The following IGF1R variants were observed in gnomAD, a reference collection of about 807,000 sequenced individuals.
IGF1R encodes insulin like growth factor 1 receptor.
In IGF1R, 44 loss-of-function variants were observed where a neutral mutation model predicts 144.6. The ratio of observed to expected loss-of-function variants is 0.30; its 90% CI spans 0.24 to 0.39. The LOEUF (loss-of-function observed/expected upper bound fraction) is 0.39, where lower values mean the gene tolerates loss of function less well. Among genes scored for constraint, IGF1R ranks in the 10% least tolerant of loss-of-function variants. The pLI is 1.00. For missense variants in IGF1R, 1,355 were observed against 1,833.7 expected (o/e 0.74, Z 4.77); for synonymous variants, 795 against 722.8 (o/e 1.10, Z -1.60).
intron 2 of IGF1R, among the ~76,000 whole-genome samples, chr15:98,725,563 C>T (rs1435564471): frequency 6.6e-6 from 1 of 152,136 alleles, no homozygotes; most frequent in African/African-American, 2.4e-5. Flanking sequence ...GTCTTTGGGA[C>T]TCCTAGATGT....
chr15:98,710,379 T>C (rs1271969866), intron 2 of IGF1R, among the ~76,000 whole-genome samples: 1 of 152,176 alleles, frequency 6.6e-6, no homozygotes, highest in Non-Finnish European at 1.5e-5. Flanking sequence ...GAATCAGAAC[T>C]TCCTCTTGGT....
Position 98,658,768 on chromosome 15 carries a change from C to T in IGF1R, c.94+9093C>T, listed in dbSNP as rs75220959. Among the ~76,000 whole-genome samples the T allele has an allele frequency of 6.4e-4, 97 of 152,260 alleles. No homozygotes were observed. In the East Asian group the frequency reaches 0.013, roughly 20 times the overall value. On this transcript the variant is annotated intron_variant, in intron 1 of 20. Coordinates refer to ENST00000650285, the MANE Select transcript of IGF1R (RefSeq NM_000875.5). ...TTACTCCTTTTGAGTTCATAACCCA[C>T]GGTTTTGCTGGTTGACAGTGATTTG...
rs145700021 is a variant in IGF1R at position 98,843,570 on chromosome 15, T to A, written c.641-47755T>A. Among the ~76,000 whole-genome samples the A allele has an allele frequency of 4.0e-3, 614 of 152,230 alleles. 3 individuals carry two copies. The highest frequency in any genetic ancestry group is 0.014 in the African/African-American group (589 of 41,552). Reference sequence around the variant, plus strand: ...AAATTGAAAGTATTTAAAATATTTTTAAAATATTTTAAAATCTGCTGTGTG... The same window carrying A: ...AAATTGAAAGTATTTAAAATATTTTAAAAATATTTTAAAATCTGCTGTGTG... On this transcript the variant is annotated intron_variant, in intron 2 of 20. Coordinates refer to ENST00000650285, the MANE Select transcript of IGF1R (RefSeq NM_000875.5).
chr15:98,727,828 C>G lies in IGF1R; in HGVS notation c.640+19721C>G, dbSNP rs547363908. The stretch of plus-strand genomic sequence containing the variant: ...AGGACTGGGGAAACCGCCGGCCGGC[C>G]CTGGTGCGCTGTCACCCCGAAGGAA... On this transcript the variant is annotated intron_variant, in intron 2 of 20. Coordinates refer to ENST00000650285, the MANE Select transcript of IGF1R (RefSeq NM_000875.5). Among the ~76,000 whole-genome samples, 595 of 152,216 alleles carry G rather than the reference C, an allele frequency of 3.9e-3. 2 individuals are homozygous for G. The highest frequency in any genetic ancestry group is 0.015 in the South Asian group (72 of 4,824).
chr15:98,720,018 A>G (rs1412654993), intron 2 of IGF1R, among the ~76,000 whole-genome samples: 1 of 152,214 alleles, frequency 6.6e-6, no homozygotes, highest in Admixed American at 6.5e-5. Flanking sequence ...GTTTATTATG[A>G]GCTAGTTCAG....
rs926117321 is a variant in IGF1R at position 98,840,023 on chromosome 15, C to T, written c.641-51302C>T. On this transcript the variant is annotated intron_variant, in intron 2 of 20. Transcript: ENST00000650285. ...ACTTTTTTCAGGTGTCTTCTGAACA[C>T]GCAGTTGTCCCACCAAACTTTGACA... Among the ~76,000 whole-genome samples, 5 of 152,318 alleles carry T rather than the reference C, an allele frequency of 3.3e-5. No individual in the cohort carries two copies. The East Asian group carries it at 7.7e-4, about 24-fold the overall frequency.
At position 98,901,913 on chromosome 15, in the gene IGF1R, G is replaced by A. The variant is rs543198310; in HGVS notation, c.1247+2292G>A. Among the ~76,000 whole-genome samples, 5 of 152,294 alleles carry A rather than the reference G, an allele frequency of 3.3e-5. No homozygotes were observed. The South Asian group carries it at 6.2e-4, about 19-fold the overall frequency. On this transcript the variant is annotated intron_variant, in intron 5 of 20. Coordinates refer to ENST00000650285, the MANE Select transcript of IGF1R (RefSeq NM_000875.5). ...TTGGGCAACTAACACTGGAGAGGTG[G>A]GTGGTACTAGAGTTATGTAAGATGT...
At chr15:98,742,750 T>C (rs2054775274) in intron 2 of IGF1R, among the ~76,000 whole-genome samples, 1 of 152,214 alleles carries the variant, frequency 6.6e-6, no homozygotes, top group Admixed American at 6.5e-5. Flanking sequence ...CTGCATCTAA[T>C]TGCACTCACA....
chr15:98,649,437 A>G lies in IGF1R; in HGVS notation c.-145A>G. 1 of 595,992 alleles carries G rather than the reference A, an allele frequency of 1.7e-6. No individual in the cohort carries two copies. The allele number at this position is 595,992 out of a possible 1,614,324, so 36.9% of individuals were successfully genotyped here. A position where few individuals can be genotyped will look rare whatever the true frequency, so the allele number is the denominator to read the frequency against. ...GCCCCGGCGGCGCCGCCTTCGGAGTATTGTTTCCTTCGCCCTTGTTTTTGG... is the reference window on the plus strand; with the variant it reads ...GCCCCGGCGGCGCCGCCTTCGGAGTGTTGTTTCCTTCGCCCTTGTTTTTGG... On this transcript the variant is annotated 5_prime_UTR_variant, in exon 1 of 21. Transcript: ENST00000650285.
At chr15:98,780,811 T>G (rs773673266) in intron 2 of IGF1R, among the ~76,000 whole-genome samples, 13 of 152,332 alleles carry the variant, frequency 8.5e-5, no homozygotes, top group Admixed American at 2.6e-4. Context: ...CATTTCTTTT[T>G]AATTAAACAA....
At position 98,963,704 on chromosome 15, in the gene IGF1R, G is replaced by A. The variant is rs560446585; in HGVS notation, c.*6262G>A. On this transcript the variant is annotated 3_prime_UTR_variant, in exon 21 of 21. Coordinates refer to ENST00000650285, the MANE Select transcript of IGF1R (RefSeq NM_000875.5). ...CACAGGCCATTTGCTTACATGCCTC[G>A]TATCATGACTGATTACTGCTTTGTT... 1.5e-4 allele frequency: 34 copies of A among 233,100 alleles called. No individual in the cohort carries two copies. The highest frequency in any genetic ancestry group is 6.2e-4 in the Admixed American group (11 of 17,776). 14.4% of individuals were successfully genotyped at this position (233,100 alleles called of 1,614,324 possible).
intron 2 of IGF1R, among the ~76,000 whole-genome samples, chr15:98,761,495 G>A (rs547596353): frequency 3.3e-5 from 5 of 152,308 alleles, no homozygotes; most frequent in Admixed American, 1.3e-4. Context: ...CAAACCTTCC[G>A]TAATTTGCCT....
At chr15:98,784,443 C>A (rs1357239492) in intron 2 of IGF1R, 1 of 153,900 alleles carries the variant, frequency 6.5e-6, no homozygotes, top group Non-Finnish European at 1.5e-5. Flanking sequence ...CCAACTCTGA[C>A]CCCTTAGGTT....
intron 2 of IGF1R, among the ~76,000 whole-genome samples, chr15:98,759,693 G>A (rs1596276427): frequency 6.6e-6 from 1 of 152,170 alleles, no homozygotes. Flanking sequence ...GGGGCAATAT[G>A]TCAGATAGAG....
At chr15:98,794,928 T>A (rs112387748) in intron 2 of IGF1R, among the ~76,000 whole-genome samples, 1 of 152,326 alleles carries the variant, frequency 6.6e-6, no homozygotes, top group African/African-American at 2.4e-5. Context: ...TATTGTGTCA[T>A]CCTTGACACC....
chr15:98,679,313 G>T (rs1262952782), intron 1 of IGF1R, among the ~76,000 whole-genome samples: 4 of 152,180 alleles, frequency 2.6e-5, no homozygotes, highest in Non-Finnish European at 4.4e-5. Context: ...TATGCCCTCT[G>T]TATCTGTTTT....
chr15:98,892,428 G>A (rs1011684354), intron 3 of IGF1R, among the ~76,000 whole-genome samples: 3 of 150,520 alleles, frequency 2.0e-5, no homozygotes, highest in African/African-American at 4.9e-5. Context: ...TAGCTACTCC[G>A]AGGCAGGAGA....
chr15:98,869,615 A>C (rs1489050499), intron 2 of IGF1R, among the ~76,000 whole-genome samples: 2 of 151,916 alleles, frequency 1.3e-5, no homozygotes, highest in African/African-American at 2.4e-5. Context: ...TTGTGTTTTT[A>C]GTAGAGATGG....
intron 3 of IGF1R, among the ~76,000 whole-genome samples, chr15:98,896,470 C>T (rs949698712): frequency 1.4e-4 from 22 of 152,290 alleles, no homozygotes; most frequent in African/African-American, 4.1e-4. Context: ...CACCAGTCAA[C>T]AGCCTATGAC....
Sources: allele counts gnomAD v4.1 joint callset (sites outside exome capture counted in the v4.1 genomes callset), GRCh38; gene constraint gnomAD v4.1.1; transcripts MANE v1.5; gene names NCBI Gene and HGNC (gene_info 2026-07-23, HGNC 2026-07-21).